Variants in TTC6 observed in about 807,000 individuals in gnomAD.
TTC6 encodes tetratricopeptide repeat protein 6.
TTC6 carries 172 observed loss-of-function variants against 210.4 expected under a neutral mutation model. The observed-to-expected ratio is 0.82, with a 90% CI of 0.72 to 0.93. TTC6 has a LOEUF of 0.93. Ranked by LOEUF, TTC6 falls within the 40% of genes least tolerant of loss-of-function variation. TTC6 has a pLI of 0.00. For missense variants in TTC6, 2,414 were observed against 2,318.1 expected (o/e 1.04, Z -0.85); for synonymous variants, 804 against 819.6 (o/e 0.98, Z 0.32).
At chr14:37,716,387 A>G (rs2095852785) in intron 6 of TTC6, among the ~76,000 whole-genome samples, 1 of 152,108 alleles carries the variant, frequency 6.6e-6, no homozygotes, top group Non-Finnish European at 1.5e-5. Context: ...CAATTAAATG[A>G]CGGAGTGGTA....
In TTC6 at chr14:37,598,899, G is replaced by T. The variant is rs563164724; in HGVS notation, c.-235+2891G>T. 1.4e-3 allele frequency among the ~76,000 whole-genome samples: 207 copies of T among 152,306 alleles called. 1 individual carries two copies. Among genetic ancestry groups the T allele is most frequent in the Non-Finnish European group, 2.4e-3 (162 of 68,012 alleles). The stretch of plus-strand genomic sequence containing the variant: ...CGGCTTCAGCAACCCAGCCATGCTT[G>T]GTGTGGAGTGGTTCGAGTTCCTCCG... On this transcript the variant is annotated intron_variant, in intron 1 of 2. Coordinates refer to the TTC6 transcript ENST00000556845. The surrounding 1 kb of genome is among the most constrained non-coding windows in gnomAD (Gnocchi z 4.9).
chr14:37,646,618 T>C (rs1437205031), intron 1 of TTC6, among the ~76,000 whole-genome samples: 2 of 152,198 alleles, frequency 1.3e-5, no homozygotes, highest in Non-Finnish European at 2.9e-5. Flanking sequence ...TAAAACATTA[T>C]ATAGATTGGC....
intron 1 of TTC6, among the ~76,000 whole-genome samples, chr14:37,665,575 C>G (rs2095746341): frequency 6.7e-6 from 1 of 150,322 alleles, no homozygotes; most frequent in African/African-American, 2.4e-5. Flanking sequence ...ATGAGATGAT[C>G]TGTGCAACGA....
chr14:37,801,547 A>G (rs963161009), intron 20 of TTC6, among the ~76,000 whole-genome samples: 2 of 152,162 alleles, frequency 1.3e-5, no homozygotes, highest in African/African-American at 2.4e-5. Flanking sequence ...TCCCTCAATT[A>G]TGTTGCAGTA....
chr14:37,613,400 T>C (rs915130933), intron 2 of TTC6, among the ~76,000 whole-genome samples: 2 of 152,148 alleles, frequency 1.3e-5, no homozygotes, highest in Non-Finnish European at 2.9e-5. Flanking sequence ...GCTAATATTT[T>C]GTTAATGATT....
intron 14 of TTC6, among the ~76,000 whole-genome samples, chr14:37,780,287 C>T (rs1006921029): frequency 3.9e-5 from 6 of 152,164 alleles, no homozygotes; most frequent in Non-Finnish European, 7.4e-5. Flanking sequence ...CACATAGGCA[C>T]ATTTTTGTTA....
intron 20 of TTC6, among the ~76,000 whole-genome samples, chr14:37,802,666 G>A (rs148574399): frequency 7.2e-5 from 11 of 151,992 alleles, no homozygotes; most frequent in African/African-American, 2.2e-4. Flanking sequence ...GACCTGTAGC[G>A]ATAGAAAAAC....
chr14:37,647,121 A>G (rs1188560181), intron 1 of TTC6, among the ~76,000 whole-genome samples: 2 of 152,184 alleles, frequency 1.3e-5, no homozygotes, highest in Non-Finnish European at 2.9e-5. Flanking sequence ...AATGTTCTCT[A>G]GGGACTAGTA....
chr14:37,819,186 C>T (rs1417829688), intron 26 of TTC6, among the ~76,000 whole-genome samples: 4 of 152,106 alleles, frequency 2.6e-5, no homozygotes, highest in African/African-American at 4.8e-5. Context: ...CCCAGTTCCA[C>T]GTGTTTCGAG....
exon 15 of TTC6, chr14:37,787,516 A>C: frequency 6.5e-7 from 1 of 1,530,652 alleles, no homozygotes; most frequent in Non-Finnish European, 8.7e-7. Context: ...ATAAAGAAGC[A>C]ACTCAAGATT....
At chr14:37,839,189 A>T (rs1009641867) in intron 29 of TTC6, among the ~76,000 whole-genome samples, 4 of 152,166 alleles carry the variant, frequency 2.6e-5, no homozygotes, top group Non-Finnish European at 5.9e-5. Context: ...GTCAAATGGT[A>T]TTTCTGGTTC....
intron 6 of TTC6, among the ~76,000 whole-genome samples, chr14:37,720,936 G>A (rs2095860692): frequency 1.3e-5 from 2 of 151,974 alleles, no homozygotes; most frequent in South Asian, 4.2e-4. Flanking sequence ...TTTATGATAT[G>A]GTACTATGGT....
chr14:37,727,345 G>A (rs554572269), intron 7 of TTC6, among the ~76,000 whole-genome samples: 1 of 132,720 alleles, frequency 7.5e-6, no homozygotes, highest in East Asian at 2.3e-4. Context: ...CCAGGCTGGA[G>A]TGCAGTGGTG....
intron 14 of TTC6, among the ~76,000 whole-genome samples, chr14:37,767,299 C>A (rs367737590): frequency 1.3e-5 from 2 of 152,124 alleles, no homozygotes; most frequent in African/African-American, 4.8e-5. Flanking sequence ...ATTTATAGTC[C>A]TTTGGGTATA....
At chr14:37,741,272 ACTTTTTTTTTT>A (rs2095918471) in intron 10 of TTC6, among the ~76,000 whole-genome samples, 1 of 102,720 alleles carries the variant, frequency 9.7e-6, no homozygotes, top group Non-Finnish European at 1.8e-5. Flanking sequence ...CTTTTTTCCC[ACTTTTTTTTTT>A]TTTTTTTTTT....
At chr14:37,783,760 G>T (rs1211238006) in intron 14 of TTC6, among the ~76,000 whole-genome samples, 2 of 111,546 alleles carry the variant, frequency 1.8e-5, no homozygotes, top group African/African-American at 6.1e-5. Context: ...TTTCTCTTAT[G>T]GGCATTTAGT....
intron 29 of TTC6, chr14:37,837,438 T>A (rs2096200301): frequency 2.2e-6 from 1 of 454,566 alleles, no homozygotes; most frequent in Non-Finnish European, 4.4e-6. Flanking sequence ...GGATGTCAAT[T>A]CTGTCCCCCC....
chr14:37,834,305 C>T (rs1007053947), intron 29 of TTC6, among the ~76,000 whole-genome samples: 1 of 151,998 alleles, frequency 6.6e-6, no homozygotes, highest in Non-Finnish European at 1.5e-5. Flanking sequence ...CTTTTGAACT[C>T]CCAAAATTGA....
chr14:37,730,815 T>C (rs2095883944), intron 7 of TTC6, among the ~76,000 whole-genome samples: 1 of 152,234 alleles, frequency 6.6e-6, no homozygotes, highest in Non-Finnish European at 1.5e-5. Context: ...TAGTTCTCAT[T>C]CATCCCACTT....
Sources: allele counts gnomAD v4.1 joint callset (sites outside exome capture counted in the v4.1 genomes callset), GRCh38; gene constraint gnomAD v4.1.1; non-coding constraint Gnocchi (gnomAD v3.1); transcripts MANE v1.5; gene names NCBI Gene and HGNC (gene_info 2026-07-23, HGNC 2026-07-21).